Variants in PIGT observed in about 807,000 individuals in gnomAD.
PIGT encodes the protein GPI-anchor transamidase component PIGT.
Under a neutral mutation model 66.7 loss-of-function variants are expected in PIGT, and 57 were observed. That is an observed-to-expected ratio of 0.86 (90% CI 0.69 to 1.07). The LOEUF (loss-of-function observed/expected upper bound fraction) is 1.07, where lower values mean the gene tolerates loss of function less well. Ranked by LOEUF, PIGT falls within the 50% of genes least tolerant of loss-of-function variation. The pLI is 0.00. For missense variants in PIGT, 725 were observed against 740.4 expected (o/e 0.98, Z 0.24); for synonymous variants, 362 against 320.5 (o/e 1.13, Z -1.38).
At chr20:45,425,410 C>A in intron 11 of PIGT, 164 bp from the exon 12 acceptor site, 1 of 701,328 alleles carries the variant, frequency 1.4e-6, no homozygotes, top group South Asian at 1.9e-5. Context: ...CGCCGCTCCC[C>A]TTTATCAGGT....
At chr20:45,416,812 G>A in intron 2 of PIGT, 118 bp downstream of exon 2, 4 of 879,766 alleles carry the variant, frequency 4.5e-6, no homozygotes, top group Admixed American at 3.2e-5. Context: ...TTCCATGGGG[G>A]TAGAGCTGGC....
chr20:45,419,339 G>A lies in PIGT; in HGVS notation c.538G>A (p.Val180Met). 2.5e-6 allele frequency: 4 copies of A among 1,614,164 alleles called. No individual in the cohort carries two copies. Among genetic ancestry groups the A allele is most frequent in the Non-Finnish European group, 3.4e-6 (4 of 1,180,016 alleles). ...FLRYAVLPRE[V>M]VCTENLTPWK... is the part of the protein sequence containing the mutation. Reference sequence around the variant, plus strand: ...GCGCTATGCTGTGCTGCCGCGGGAGGTGGTCTGCACCGAAAACCTCACCCC... The same window carrying A: ...GCGCTATGCTGTGCTGCCGCGGGAGATGGTCTGCACCGAAAACCTCACCCC... Residue 180 changes from valine to methionine, a missense_variant, in exon 4 of 12, where the codon GTG (valine) becomes ATG (methionine). By Grantham distance (21) the Val-to-Met change is conservative (BLOSUM62 1). This residue lies in a region of PIGT where 559 missense variants were observed against 552.7 expected (regional missense o/e 1.01). Transcript: ENST00000279036.
At chr20:45,424,754 T>G in intron 11 of PIGT, 175 bp downstream of exon 11, 1 of 601,364 alleles carries the variant, frequency 1.7e-6, no homozygotes. Flanking sequence ...TGTGAAGACT[T>G]TATAAAATGA....
chr20:45,416,433 C>A, intron 1 of PIGT, 84 bp from the exon 2 acceptor site: 1 of 1,561,994 alleles, frequency 6.4e-7, no homozygotes, highest in South Asian at 1.2e-5. Context: ...GGGGGCGGGG[C>A]CTAATTCCTG....
At chr20:45,418,722 C>T in intron 2 of PIGT, 130 bp from the exon 3 acceptor site, 1 of 1,149,414 alleles carries the variant, frequency 8.7e-7, no homozygotes, top group South Asian at 1.3e-5. Context: ...GTTCCAGCTC[C>T]ATCAACTGGC....
intron 9 of PIGT, 107 bp from the exon 10 acceptor site, chr20:45,424,109 C>G: frequency 2.0e-6 from 2 of 1,006,248 alleles, no homozygotes; most frequent in South Asian, 2.9e-5. Context: ...GCTCCCAAGC[C>G]CATCTTCTAG....
At chr20:45,418,599 GAAGA>G (rs1990137066) in intron 2 of PIGT, 4 of 447,890 alleles carry the variant, frequency 8.9e-6, no homozygotes, top group Non-Finnish European at 1.7e-5. Context: ...TGCAAGGAAG[GAAGA>G]ATCACCTGAG....
At chr20:45,422,244 A>G (rs1388379014) in intron 9 of PIGT, 1 of 152,126 alleles carries the variant, frequency 6.6e-6, no homozygotes, top group African/African-American at 2.4e-5. Flanking sequence ...GTTGATTCCT[A>G]TATTTTCAAA....
intron 2 of PIGT, chr20:45,417,348 A>T (rs1990048153): frequency 1.3e-5 from 2 of 152,222 alleles, no homozygotes; most frequent in Non-Finnish European, 2.9e-5. Context: ...TGATATAACA[A>T]GTTTTAGGGC....
At position 45,420,489 on chromosome 20, in the gene PIGT, C is replaced by T. The variant is rs2741571; in HGVS notation, c.868-39C>T. 5 of 1,613,030 alleles carry T rather than the reference C, an allele frequency of 3.1e-6. No homozygotes were observed. In the South Asian group the frequency reaches 5.5e-5, roughly 18 times the overall value. ...CGCTGGTCCCCAGGACCAGCCTACC[C>T]TCTCTGCTTGCTTCTTAGCCCTGCC... On this transcript the variant is annotated intron_variant, in intron 7 of 11. Transcript: ENST00000279036.
chr20:45,421,604 C>T, intron 9 of PIGT, 21 bp downstream of exon 9: 2 of 1,604,332 alleles, frequency 1.2e-6, no homozygotes, highest in East Asian at 2.2e-5. Context: ...GAGTCCTGAA[C>T]CAGGCCCCCA....
Position 45,416,172 on chromosome 20 carries a change from C to G in PIGT, c.16C>G (p.Pro6Ala), listed in dbSNP as rs868289408. 9 of 1,572,288 alleles carry G rather than the reference C, an allele frequency of 5.7e-6. No homozygotes were observed. Among genetic ancestry groups the G allele is most frequent in the Non-Finnish European group, 6.9e-6 (8 of 1,160,944 alleles). Residue 6 changes from proline to alanine, a missense_variant, in exon 1 of 12, where the codon CCG (proline) becomes GCG (alanine). Coordinates refer to ENST00000279036, the MANE Select transcript of PIGT (RefSeq NM_015937.6). The stretch of plus-strand genomic sequence containing the variant: ...AGCCGCAGGCATGGCGGCGGCTATG[C>G]CGCTTGCTCTGCTCGTCCTGTTGCT... MAAAM[P>A]LALLVLLLLG...
intron 9 of PIGT, chr20:45,423,513 A>G (rs1272618045): frequency 6.6e-6 from 1 of 151,940 alleles, no homozygotes; most frequent in Non-Finnish European, 1.5e-5. Context: ...ACGAAAAAAA[A>G]AAAAGTTTCT....
At chr20:45,419,149 A>G (rs967617243) in intron 3 of PIGT, 146 bp from the exon 4 acceptor site, 3 of 1,064,452 alleles carry the variant, frequency 2.8e-6, no homozygotes, top group Non-Finnish European at 4.2e-6. Flanking sequence ...CAAGGAGAGA[A>G]GGGAGTCCTA....
chr20:45,420,243 C>A lies in PIGT; in HGVS notation c.769+20C>A. On this transcript the variant is annotated intron_variant, in intron 6 of 11. Transcript: ENST00000279036. Reference sequence around the variant, plus strand: ...AGAAAGGTAAGTTACCTTGGCAACTCATCTGTACCCACCCATGCCAGCCCT... The same window carrying A: ...AGAAAGGTAAGTTACCTTGGCAACTAATCTGTACCCACCCATGCCAGCCCT... 1 of 1,601,168 alleles carries A rather than the reference C, an allele frequency of 6.2e-7. No individual in the cohort carries two copies. The highest frequency in any genetic ancestry group is 8.5e-7 in the Non-Finnish European group (1 of 1,170,728).
At chr20:45,420,799 T>A in intron 8 of PIGT, 106 bp downstream of exon 8, 1 of 1,196,046 alleles carries the variant, frequency 8.4e-7, no homozygotes, top group East Asian at 2.4e-5. Flanking sequence ...TAGACCAGAT[T>A]TCCAGAGTCA....
chr20:45,420,793 C>A, intron 8 of PIGT, 100 bp downstream of exon 8: 1 of 1,220,940 alleles, frequency 8.2e-7, no homozygotes, highest in Non-Finnish European at 1.2e-6. Flanking sequence ...TGTATTTAGA[C>A]CAGATTTCCA....
chr20:45,420,289 G>C (rs544502973), intron 6 of PIGT, 43 bp from the exon 7 acceptor site: 1 of 1,594,264 alleles, frequency 6.3e-7, no homozygotes, highest in African/African-American at 1.3e-5. Flanking sequence ...TGTGGACTAG[G>C]CCTAGGCCTG....
chr20:45,416,272 T>A lies in PIGT; in HGVS notation c.116T>A (p.Leu39Gln). 1.3e-6 allele frequency: 2 copies of A among 1,596,132 alleles called. No homozygotes were observed. Among genetic ancestry groups the A allele is most frequent in the Non-Finnish European group, 1.7e-6 (2 of 1,171,652 alleles). The change falls in exon 1 of 12, where the codon CTG becomes CAG. Residue 39 changes from leucine (L) to glutamine (Q), a missense_variant. Physicochemically the swap from Leu to Gln is moderately radical, Grantham distance 113. Transcript: ENST00000279036. ...SLREELVITP[L>Q]PSGDVAATFQ... ...CGGGAGGAACTTGTCATCACCCCGC[T>A]GCCTTCCGGGGACGTAGCCGCCACA...
Sources: allele counts gnomAD v4.1 joint callset, GRCh38; gene constraint gnomAD v4.1.1; regional missense constraint gnomAD v4.1.1; transcripts MANE v1.5; gene names NCBI Gene and HGNC (gene_info 2026-07-23, HGNC 2026-07-21).